Variants in PCDHGB3 observed in about 807,000 individuals in gnomAD.
PCDHGB3 encodes protocadherin gamma-B3.
A neutral mutation model predicts 59.2 loss-of-function variants in PCDHGB3; 40 were observed. That is an observed-to-expected ratio of 0.68 (90% CI 0.52 to 0.88). The LOEUF is 0.88. Ranked by LOEUF, PCDHGB3 falls within the 40% of genes least tolerant of loss-of-function variation. PCDHGB3 has a pLI of 0.00. For missense variants in PCDHGB3, 1,309 were observed against 1,187.9 expected, an observed-to-expected ratio of 1.10 and a Z score of -1.50; for synonymous variants, 581 against 503.6, an observed-to-expected ratio of 1.15 and a Z score of -2.06.
chr5:141,409,200 T>C, intron 1 of PCDHGB3: 2 of 1,614,020 alleles, frequency 1.2e-6, no homozygotes, highest in Non-Finnish European at 1.7e-6. Flanking sequence ...CAGTGTAAAG[T>C]AATCATAGAA....
chr5:141,511,129 G>A lies in PCDHGB3; in HGVS notation c.2746G>A (p.Gly916Ser). ...GCGGGATGGCAAGGCCCCAGCAGGT[G>A]GCAATGGCAACAAGAAGAAGTCGGG... ...GKRDGKAPAGGNGNKKKSGKK... is the reference protein window; with the variant it reads ...GKRDGKAPAGSNGNKKKSGKK... Residue 916 changes from glycine to serine, a missense_variant, in exon 4 of 4, where the codon GGC becomes AGC. By Grantham distance (56) the Gly-to-Ser change is moderately conservative. Coordinates refer to ENST00000576222, the MANE Select transcript of PCDHGB3 (RefSeq NM_018924.5). 1 of 1,614,204 alleles carries A rather than the reference G, an allele frequency of 6.2e-7. No individual in the cohort carries two copies. Among genetic ancestry groups the A allele is most frequent in the Non-Finnish European group, 8.5e-7 (1 of 1,180,014 alleles).
At chr5:141,502,441 GAT>G (rs2099814262) in intron 2 of PCDHGB3, among the ~76,000 whole-genome samples, 1 of 152,000 alleles carries the variant, frequency 6.6e-6, no homozygotes, top group Non-Finnish European at 1.5e-5. Flanking sequence ...GTTAGATTCA[GAT>G]TACACACCTT....
rs750914672 is a variant in PCDHGB3 at position 141,371,927 on chromosome 5, C to A, written c.1533C>A (p.Ser511Arg). ...CCTACGTGTCCGTGAGCGCGCGGAG[C>A]GGGGTGGTGTTCGCGCAGCGAGCCT... ...LSSYVSVSAR[S>R]GVVFAQRAFD... The change falls in exon 1 of 4, where the codon AGC becomes AGA. Residue 511 changes from serine to arginine, a missense_variant. Physicochemically the swap from Ser to Arg is moderately radical, Grantham distance 110 (BLOSUM62 -1). Coordinates refer to ENST00000576222, the MANE Select transcript of PCDHGB3 (RefSeq NM_018924.5). 53 of 1,613,208 alleles carry A rather than the reference C, an allele frequency of 3.3e-5. No homozygotes were observed. The highest frequency in any genetic ancestry group is 3.9e-5 in the Non-Finnish European group (46 of 1,179,904).
chr5:141,426,311 G>C (rs895147447), intron 1 of PCDHGB3: 7 of 173,614 alleles, frequency 4.0e-5, no homozygotes, highest in Middle Eastern at 2.9e-3. Context: ...AAGCAGAGAA[G>C]CAGGACCCGG....
chr5:141,503,547 C>T (rs545918096), intron 2 of PCDHGB3, among the ~76,000 whole-genome samples: 22 of 147,734 alleles, frequency 1.5e-4, no homozygotes, highest in African/African-American at 4.8e-4. Flanking sequence ...TGCAGTGAGC[C>T]GAGATCGCGC....
Position 141,431,646 on chromosome 5 carries a change from G to A in PCDHGB3, c.2415+58837G>A. ...GCGGCCCAAGTTTTCAAACTAGATT[G>A]TAATTCAGGGACAATATCAACAATA... On this transcript the variant is annotated intron_variant, in intron 1 of 3. Coordinates refer to ENST00000576222, the MANE Select transcript of PCDHGB3 (RefSeq NM_018924.5). The surrounding 1 kb of genome is among the most constrained non-coding windows in gnomAD (Gnocchi z 4.8). 2 of 1,614,252 alleles carry A rather than the reference G, an allele frequency of 1.2e-6. No individual in the cohort carries two copies. Among genetic ancestry groups the A allele is most frequent in the Non-Finnish European group, 1.7e-6 (2 of 1,180,046 alleles).
intron 1 of PCDHGB3, chr5:141,400,208 T>G: frequency 6.2e-7 from 1 of 1,614,042 alleles, no homozygotes; most frequent in South Asian, 1.1e-5. Context: ...GCCTTGGCCT[T>G]GATCTCAGTG....
At chr5:141,427,525 C>T (rs779318429) in intron 1 of PCDHGB3, 9 of 611,980 alleles carry the variant, frequency 1.5e-5, no homozygotes, top group South Asian at 3.0e-5. Flanking sequence ...GAGCGGATCC[C>T]GGAGTACAAC....
At chr5:141,419,747 C>T (rs1322393151) in intron 1 of PCDHGB3, 3 of 1,613,840 alleles carry the variant, frequency 1.9e-6, no homozygotes, top group Admixed American at 1.7e-5. Context: ...GCGCATGGTG[C>T]GTGCTTTGGG....
In PCDHGB3 at chr5:141,450,141, G is replaced by A. The variant is rs762961199; in HGVS notation, c.2416-44666G>A. On this transcript the variant is annotated intron_variant, in intron 1 of 3. Transcript: ENST00000576222. ...CCTGCCTTAGCCTCCTGAGTAGCTG[G>A]GACTACAGGCATGTGCCACCACACT... Among the ~76,000 whole-genome samples, 401 of 151,622 alleles carry A rather than the reference G, an allele frequency of 2.6e-3. 1 individual carries two copies. The highest frequency in any genetic ancestry group is 3.8e-3 in the Non-Finnish European group (260 of 67,912).
chr5:141,403,671 C>T (rs1322750068), intron 1 of PCDHGB3: 3 of 1,613,786 alleles, frequency 1.9e-6, no homozygotes, highest in African/African-American at 1.3e-5. Flanking sequence ...GATAATGCCC[C>T]GGTTTTTGCT....
At chr5:141,460,034 C>T (rs1463167810) in intron 1 of PCDHGB3, among the ~76,000 whole-genome samples, 1 of 152,116 alleles carries the variant, frequency 6.6e-6, no homozygotes, top group African/African-American at 2.4e-5. Context: ...GCCGAGACTG[C>T]ACCACTGCAC....
Position 141,486,253 on chromosome 5 carries a change from C to A in PCDHGB3, c.2416-8554C>A. The A allele has an allele frequency of 6.2e-7, 1 of 1,614,138 alleles. No individual in the cohort carries two copies. Among genetic ancestry groups the A allele is most frequent in the Non-Finnish European group, 8.5e-7 (1 of 1,180,006 alleles). On this transcript the variant is annotated intron_variant, in intron 1 of 3. Transcript: ENST00000576222. This position sits in a 1 kb window ranked among gnomAD's most constrained non-coding sequence, Gnocchi z 5.0. ...TGACCTCAGAGCTTGGAACCCTCCC[C>A]GAGAGTGCAGAACCTGGCACTGTGG...
At position 141,490,597 on chromosome 5, in the gene PCDHGB3, C is replaced by G. The variant is rs781077720; in HGVS notation, c.2416-4210C>G. 1 of 1,614,182 alleles carries G rather than the reference C, an allele frequency of 6.2e-7. No homozygotes were observed. On this transcript the variant is annotated intron_variant, in intron 1 of 3. Transcript: ENST00000576222. This position sits in a 1 kb window ranked among gnomAD's most constrained non-coding sequence, Gnocchi z 5.4. ...TTCAGATGTCAATGACAATGCACCC[C>G]GCTTCAACCAGCAGCTTTACACTGC...
intron 1 of PCDHGB3, chr5:141,384,281 T>C (rs766739394): frequency 9.9e-6 from 16 of 1,613,774 alleles, no homozygotes; most frequent in Admixed American, 6.7e-5. Flanking sequence ...TCAGTCTACA[T>C]CGCTGAGAAC....
intron 1 of PCDHGB3, chr5:141,375,512 C>T (rs1300082311): frequency 1.3e-5 from 21 of 1,613,936 alleles, no homozygotes; most frequent in Non-Finnish European, 1.7e-5. Flanking sequence ...TGTGAATGCA[C>T]TGGACCCTGA....
Position 141,494,692 on chromosome 5 carries a change from C to T in PCDHGB3, c.2416-115C>T. On this transcript the variant is annotated intron_variant, in intron 1 of 3. Coordinates refer to ENST00000576222, the MANE Select transcript of PCDHGB3 (RefSeq NM_018924.5). ...AGTCCACCCCTGCCCCCTCTTAGTC[C>T]GTTTTCTTCTCTGTGCCCACTCCCC... 2.5e-6 allele frequency: 4 copies of T among 1,581,934 alleles called. No individual in the cohort carries two copies. In the African/African-American group the frequency reaches 4.0e-5, roughly 16 times the overall value.
intron 1 of PCDHGB3, among the ~76,000 whole-genome samples, chr5:141,470,151 CT>C (rs746135943): frequency 7.2e-5 from 11 of 152,164 alleles, no homozygotes; most frequent in Non-Finnish European, 1.6e-4. Flanking sequence ...CATAGATCAT[CT>C]TATCAAATCA....
intron 1 of PCDHGB3, chr5:141,375,377 C>CT: frequency 1.2e-6 from 2 of 1,613,940 alleles, no homozygotes; most frequent in South Asian, 2.2e-5. Context: ...AACACCACCT[C>CT]TGTCTACAGA....
Sources: gnomAD v4.1 joint callset for allele counts (sites outside exome capture counted in the v4.1 genomes callset) on GRCh38, gnomAD v4.1.1 for gene constraint, Gnocchi (gnomAD v3.1) non-coding constraint, MANE v1.5 for transcripts, NCBI Gene and HGNC (gene_info 2026-07-23, HGNC 2026-07-21) for gene names.